Variants in RP1 observed in about 807,000 individuals in gnomAD.
RP1 encodes the protein oxygen-regulated protein 1.
RP1 carries 16 observed loss-of-function variants against 14.8 expected under a neutral mutation model. The observed-to-expected ratio is 1.08, with a 90% CI of 0.73 to 1.65. RP1 has a LOEUF of 1.65. RP1 is among the 40% of genes most tolerant of loss of function. RP1 has a pLI of 0.00. For synonymous variants in RP1, 876 were observed against 883.6 expected, an observed-to-expected ratio of 0.99 and a Z score of 0.15; for missense variants, 2,631 against 2,535.0, an observed-to-expected ratio of 1.04 and a Z score of -0.81.
At chr8:54,746,377 G>C (rs572337100) in intron 19 of RP1, among the ~76,000 whole-genome samples, 1 of 152,180 alleles carries the variant, frequency 6.6e-6, no homozygotes, top group South Asian at 2.1e-4. Context: ...TTTATTCCTT[G>C]ATCATACTTT....
chr8:54,608,809 C>G (rs188645508), intron 1 of RP1, among the ~76,000 whole-genome samples: 48 of 152,230 alleles, frequency 3.2e-4, no homozygotes, highest in Admixed American at 2.7e-3. Context: ...ACATTAAAAA[C>G]CATAGTCTTC....
At chr8:54,780,965 A>G in intron 23 of RP1, 3 of 983,814 alleles carry the variant, frequency 3.0e-6, no homozygotes, top group Non-Finnish European at 3.6e-6. Flanking sequence ...ACTTTACTTC[A>G]TTGTTGAGAA....
intron 1 of RP1, among the ~76,000 whole-genome samples, chr8:54,566,855 A>G (rs770811244): frequency 6.6e-6 from 1 of 152,212 alleles, no homozygotes; most frequent in Non-Finnish European, 1.5e-5. Flanking sequence ...CAGAGACAAA[A>G]CTACTTTAAA....
At chr8:54,590,642 C>T (rs559882941) in intron 1 of RP1, among the ~76,000 whole-genome samples, 4 of 152,272 alleles carry the variant, frequency 2.6e-5, no homozygotes, top group African/African-American at 9.6e-5. Flanking sequence ...TCTTCTCTTT[C>T]GTTTTTAAAT....
chr8:54,585,527 A>G (rs1423880759), intron 1 of RP1, among the ~76,000 whole-genome samples: 1 of 151,962 alleles, frequency 6.6e-6, no homozygotes, highest in Non-Finnish European at 1.5e-5. Flanking sequence ...GTATTTCCTG[A>G]ATTTGAATGT....
chr8:54,661,943 AT>A (rs1806909454), intron 6 of RP1, among the ~76,000 whole-genome samples: 1 of 151,694 alleles, frequency 6.6e-6, no homozygotes, highest in Non-Finnish European at 1.5e-5. Context: ...CAGTTCTAAA[AT>A]TTCTATTTAG....
At chr8:54,671,773 A>G (rs1807187569) in intron 7 of RP1, among the ~76,000 whole-genome samples, 1 of 152,048 alleles carries the variant, frequency 6.6e-6, no homozygotes, top group Non-Finnish European at 1.5e-5. Context: ...CTCATTTAGT[A>G]TTTTAAGATA....
Position 54,621,090 on chromosome 8 carries a change from A to G in RP1, c.124A>G (p.Lys42Glu), listed in dbSNP as rs1482202931. 6.2e-7 allele frequency: 1 copy of G among 1,614,142 alleles called. No individual in the cohort carries two copies. The highest frequency in any genetic ancestry group is 8.5e-7 in the Non-Finnish European group (1 of 1,180,018). The change falls in exon 2 of 4, where the codon AAG (lysine) becomes GAG (glutamate). Residue 42 changes from lysine to glutamate, a missense_variant. Coordinates refer to ENST00000220676, the MANE Select transcript of RP1 (RefSeq NM_006269.2). ...PVVAKRISFYKSGDPQFGGVR... is the reference protein window; with the variant it reads ...PVVAKRISFYESGDPQFGGVR... ...TGTGGCCAAGCGAATCAGTTTCTACAAGAGCGGAGACCCCCAATTCGGCGG... is the reference window on the plus strand; with the variant it reads ...TGTGGCCAAGCGAATCAGTTTCTACGAGAGCGGAGACCCCCAATTCGGCGG...
intron 25 of RP1, among the ~76,000 whole-genome samples, chr8:54,838,828 G>T (rs1811726950): frequency 6.6e-6 from 1 of 152,118 alleles, no homozygotes; most frequent in African/African-American, 2.4e-5. Context: ...CCAAGTCTTG[G>T]CTTGGTGATG....
chr8:54,798,087 C>T (rs1445089057), intron 24 of RP1, among the ~76,000 whole-genome samples: 3 of 152,050 alleles, frequency 2.0e-5, no homozygotes, highest in Admixed American at 6.6e-5. Flanking sequence ...GATCTTGGCT[C>T]ACTGCAACCT....
At chr8:54,572,682 A>G (rs956730423) in intron 1 of RP1, among the ~76,000 whole-genome samples, 1 of 152,182 alleles carries the variant, frequency 6.6e-6, no homozygotes, top group Non-Finnish European at 1.5e-5. Context: ...TCTGCACGGA[A>G]GAAACATGCT....
chr8:54,638,907 TCG>T (rs1491568832), intron 3 of RP1, among the ~76,000 whole-genome samples: 12,530 of 64,606 alleles, frequency 0.19, 1,532 homozygotes, highest in African/African-American at 0.42. Context: ...TCTCTCTCTC[TCG>T]GTCTCTCTCA....
chr8:54,870,913 C>T (rs993124436), exon 29 of RP1: 1 of 152,074 alleles, frequency 6.6e-6, no homozygotes, highest in Non-Finnish European at 1.5e-5. Context: ...AGTCTGACTT[C>T]AGAGCCCGTG....
intron 1 of RP1, among the ~76,000 whole-genome samples, chr8:54,600,446 G>T (rs559521488): frequency 6.6e-6 from 1 of 152,294 alleles, no homozygotes; most frequent in African/African-American, 2.4e-5. Flanking sequence ...GTGGCGGGGA[G>T]TTGGGGAGGG....
At chr8:54,648,601 G>T (rs960772357) in intron 3 of RP1, among the ~76,000 whole-genome samples, 1 of 151,774 alleles carries the variant, frequency 6.6e-6, no homozygotes, top group Non-Finnish European at 1.5e-5. Context: ...ATCCTAAAAG[G>T]CATTAATTCT....
In RP1 at chr8:54,708,433, T is replaced by C. The variant is rs190799514; in HGVS notation, c.2211+1778T>C. Among the ~76,000 whole-genome samples the C allele has an allele frequency of 8.6e-3, 1,299 of 151,762 alleles. 11 individuals carry two copies. Among genetic ancestry groups the C allele is most frequent in the Non-Finnish European group, 0.014 (970 of 67,924 alleles). On this transcript the variant is annotated intron_variant, in intron 15 of 22. Transcript: ENST00000636932. ...GTGCAGTGGCGCAATCTCGGCTCAC[T>C]GCAAGCTCCGCCTCCTGGGTTCATG...
intron 1 of RP1, among the ~76,000 whole-genome samples, chr8:54,602,023 A>T (rs1805304221): frequency 6.6e-6 from 1 of 152,142 alleles, no homozygotes; most frequent in Non-Finnish European, 1.5e-5. Flanking sequence ...ATATTCTACA[A>T]ATCACTGAAT....
At chr8:54,603,424 T>A (rs1173840328) in intron 1 of RP1, among the ~76,000 whole-genome samples, 4 of 152,224 alleles carry the variant, frequency 2.6e-5, no homozygotes, top group Non-Finnish European at 4.4e-5. Flanking sequence ...AGTACCATGC[T>A]GTTTTGGTTA....
At chr8:54,743,893 C>T (rs1585654343) in intron 19 of RP1, among the ~76,000 whole-genome samples, 1 of 152,176 alleles carries the variant, frequency 6.6e-6, no homozygotes, top group Non-Finnish European at 1.5e-5. Flanking sequence ...CATGCTTCTG[C>T]TTTCCCAAGA....
Sources: gnomAD v4.1 joint callset for allele counts (sites outside exome capture counted in the v4.1 genomes callset) on GRCh38, gnomAD v4.1.1 for gene constraint, MANE v1.5 for transcripts, NCBI Gene and HGNC (gene_info 2026-07-23, HGNC 2026-07-21) for gene names.